The following CFAP299 variants were observed in gnomAD, a reference collection of about 807,000 sequenced individuals.
CFAP299 encodes cilia and flagella associated protein 299, also known as cilia- and flagella-associated protein 299.
Under a neutral mutation model 27.0 loss-of-function variants are expected in CFAP299, and 21 were observed. The observed-to-expected ratio is 0.78, with a 90% confidence interval of 0.55 to 1.12. The LOEUF (loss-of-function observed/expected upper bound fraction) is 1.12, where lower values mean the gene tolerates loss of function less well. Ranked by LOEUF, CFAP299 falls within the 50% of genes most tolerant of loss-of-function variation. CFAP299 has a pLI of 0.00. For missense variants in CFAP299, 310 were observed against 276.6 expected, an observed-to-expected ratio of 1.12 and a Z score of -0.86; for synonymous variants, 104 against 98.1, an observed-to-expected ratio of 1.06 and a Z score of -0.36.
the CFAP299 span, among the ~76,000 whole-genome samples, chr4:80,327,263 C>A: frequency 6.6e-6 from 1 of 151,790 alleles, no homozygotes; most frequent in Non-Finnish European, 1.5e-5. Flanking sequence ...GCATTCTAGG[C>A]CAAGAAAACA....
At chr4:80,482,412 C>A (rs150945230) in intron 2 of CFAP299, among the ~76,000 whole-genome samples, 2 of 152,128 alleles carry the variant, frequency 1.3e-5, no homozygotes, top group East Asian at 3.9e-4. Context: ...TAAGAAAGCT[C>A]TTAAGTTATC....
At chr4:80,629,134 A>G (rs1259706760) in intron 3 of CFAP299, among the ~76,000 whole-genome samples, 2 of 152,204 alleles carry the variant, frequency 1.3e-5, no homozygotes, top group Non-Finnish European at 2.9e-5. Flanking sequence ...AAGCCATAAA[A>G]AAGAAGGAAA....
chr4:80,391,753 A>G (rs778074353), intron 2 of CFAP299, among the ~76,000 whole-genome samples: 7 of 152,140 alleles, frequency 4.6e-5, no homozygotes, highest in Non-Finnish European at 1.0e-4. Context: ...CTACTGCTTG[A>G]TCCCAGGAGT....
At chr4:80,782,651 TATATAATATATTCATATATA>T (rs1726971632) in intron 3 of CFAP299, among the ~76,000 whole-genome samples, 3 of 126,572 alleles carry the variant, frequency 2.4e-5, no homozygotes, top group African/African-American at 8.8e-5. Flanking sequence ...CATATATGAA[TATATAATATATTCATATATA>T]ATATACATAT....
chr4:80,690,971 C>G (rs1289542983), intron 3 of CFAP299, among the ~76,000 whole-genome samples: 3 of 149,412 alleles, frequency 2.0e-5, no homozygotes, highest in Middle Eastern at 3.2e-3. Context: ...TTGACACATA[C>G]ACTATCCCAA....
intron 3 of CFAP299, among the ~76,000 whole-genome samples, chr4:80,669,901 CT>C (rs1386611356): frequency 2.6e-5 from 4 of 151,270 alleles, no homozygotes; most frequent in African/African-American, 7.3e-5. Flanking sequence ...TAAAAAAACC[CT>C]TTTTTATTAG....
chr4:80,543,703 A>G (rs1020780986), intron 2 of CFAP299, among the ~76,000 whole-genome samples: 2 of 152,274 alleles, frequency 1.3e-5, no homozygotes, highest in Non-Finnish European at 2.9e-5. Flanking sequence ...TGTAAAGAGA[A>G]GAATCTTATC....
chr4:80,332,072 A>T (rs1721962601), upstream of CFAP299, among the ~76,000 whole-genome samples: 1 of 152,248 alleles, frequency 6.6e-6, no homozygotes, highest in African/African-American at 2.4e-5. Flanking sequence ...GAGAATCTCG[A>T]AGAGAAGAGA....
intron 2 of CFAP299, among the ~76,000 whole-genome samples, chr4:80,398,974 G>T (rs1725979183): frequency 6.6e-6 from 1 of 151,230 alleles, no homozygotes; most frequent in African/African-American, 2.4e-5. Flanking sequence ...AATCTACAAA[G>T]AACTCAAACA....
intron 4 of CFAP299, among the ~76,000 whole-genome samples, chr4:80,908,749 A>G (rs1156905013): frequency 1.3e-5 from 2 of 152,186 alleles, no homozygotes; most frequent in Non-Finnish European, 2.9e-5. Flanking sequence ...ATATTTGCTA[A>G]AGCAGATTAC....
intron 3 of CFAP299, among the ~76,000 whole-genome samples, chr4:80,735,372 A>C (rs141832770): frequency 0.02 from 3,032 of 152,220 alleles, 45 homozygotes; most frequent in Admixed American, 0.034. Context: ...GTGAGATCAT[A>C]TCATGAGTAA....
chr4:80,842,736 T>C (rs1730933179), intron 3 of CFAP299, among the ~76,000 whole-genome samples: 1 of 152,076 alleles, frequency 6.6e-6, no homozygotes, highest in Non-Finnish European at 1.5e-5. Context: ...TTCACGTGAT[T>C]AGGCTATGAC....
chr4:80,879,130 G>T lies in CFAP299; in HGVS notation c.476+8995G>T, dbSNP rs144515026. Among the ~76,000 whole-genome samples the T allele has an allele frequency of 3.5e-3, 534 of 152,098 alleles. 3 individuals carry two copies. Among genetic ancestry groups the T allele is most frequent in the African/African-American group, 0.013 (520 of 41,492 alleles). On this transcript the variant is annotated intron_variant, in intron 4 of 5. Transcript: ENST00000358105. Reference sequence around the variant, plus strand: ...GGGCACCACACAATAAAATCACTAAGGTAAATGATGCTTCAGGGGACACAT... The same window carrying T: ...GGGCACCACACAATAAAATCACTAATGTAAATGATGCTTCAGGGGACACAT...
chr4:80,428,525 CT>C (rs1252826814), intron 2 of CFAP299, among the ~76,000 whole-genome samples: 2 of 151,726 alleles, frequency 1.3e-5, no homozygotes, highest in South Asian at 2.1e-4. Context: ...AATAACATTG[CT>C]TTTTTTTCTT....
chr4:80,944,295 T>C (rs1737357845), intron 4 of CFAP299, among the ~76,000 whole-genome samples: 1 of 150,934 alleles, frequency 6.6e-6, no homozygotes, highest in Admixed American at 6.6e-5. Flanking sequence ...TGTGATAGCA[T>C]AGATCACATC....
intron 3 of CFAP299, among the ~76,000 whole-genome samples, chr4:80,800,761 G>GTATATA (rs1553893592): frequency 7.8e-6 from 1 of 128,494 alleles, no homozygotes; most frequent in African/African-American, 3.2e-5. Context: ...GTGTGTGTGT[G>GTATATA]TGTGTGTATA....
At chr4:80,719,431 AAACT>A in intron 3 of CFAP299, among the ~76,000 whole-genome samples, 1 of 152,344 alleles carries the variant, frequency 6.6e-6, no homozygotes, top group Admixed American at 6.5e-5. Flanking sequence ...ACTTTATAGA[AAACT>A]ACCAAACTGT....
intron 4 of CFAP299, among the ~76,000 whole-genome samples, chr4:80,918,820 G>A (rs770927230): frequency 6.6e-6 from 1 of 152,020 alleles, no homozygotes; most frequent in Non-Finnish European, 1.5e-5. Context: ...GCAGTGTTTG[G>A]GCTGCTTCAA....
chr4:80,398,693 G>A (rs1210009924), intron 2 of CFAP299, among the ~76,000 whole-genome samples: 1 of 152,144 alleles, frequency 6.6e-6, no homozygotes, highest in Non-Finnish European at 1.5e-5. Context: ...ATTAATTCAA[G>A]ATGGATTGAA....
Sources: gnomAD v4.1 joint callset for allele counts (sites outside exome capture counted in the v4.1 genomes callset) on GRCh38, gnomAD v4.1.1 for gene constraint, MANE v1.5 for transcripts, NCBI Gene and HGNC (gene_info 2026-07-23, HGNC 2026-07-21) for gene names.